The following RORA variants were observed in gnomAD, a reference collection of about 807,000 sequenced individuals.
RORA encodes nuclear receptor ROR-alpha.
RORA carries 7 observed loss-of-function variants against 69.5 expected under a neutral mutation model. The observed-to-expected ratio is 0.10, with a 90% CI of 0.06 to 0.19. RORA has a LOEUF of 0.19. Among genes scored for constraint, RORA ranks in the 10% least tolerant of loss-of-function variants. The pLI, the probability that RORA is intolerant of heterozygous loss-of-function variation, is 1.00. For missense variants in RORA, 457 were observed against 663.0 expected, an observed-to-expected ratio of 0.69 and a Z score of 3.41; for synonymous variants, 261 against 240.8, an observed-to-expected ratio of 1.08 and a Z score of -0.78.
At chr15:60,998,042 C>T (rs1190514193) in intron 1 of RORA, among the ~76,000 whole-genome samples, 1 of 152,246 alleles carries the variant, frequency 6.6e-6, no homozygotes, top group East Asian at 1.9e-4. Context: ...ACTGAATCCA[C>T]TCTAGAGACC....
At chr15:61,220,248 T>C (rs991769701) in intron 1 of RORA, among the ~76,000 whole-genome samples, 5 of 152,216 alleles carry the variant, frequency 3.3e-5, no homozygotes, top group Admixed American at 2.6e-4. Context: ...ACCTGGACAA[T>C]TGAGAGTTAT....
chr15:60,940,530 C>T (rs189061151), intron 1 of RORA, among the ~76,000 whole-genome samples: 21 of 152,126 alleles, frequency 1.4e-4, no homozygotes, highest in Non-Finnish European at 2.9e-4. Flanking sequence ...CCAAGAGGCC[C>T]GAGGGAACAT....
At chr15:60,572,468 T>C (rs2067910462) in intron 2 of RORA, among the ~76,000 whole-genome samples, 1 of 151,746 alleles carries the variant, frequency 6.6e-6, no homozygotes, top group Admixed American at 6.6e-5. Flanking sequence ...ATGGCTATTA[T>C]AGACAACTGG....
chr15:60,998,542 C>A (rs1323967259), intron 1 of RORA, among the ~76,000 whole-genome samples: 1 of 152,082 alleles, frequency 6.6e-6, no homozygotes, highest in Admixed American at 6.5e-5. Flanking sequence ...GGATTACAGT[C>A]ACATGCCACC....
Position 60,494,998 on chromosome 15 carries a change from C to T in RORA, c.*2457G>A, listed in dbSNP as rs1416027485. 6.6e-6 allele frequency: 1 copy of T among 152,160 alleles called. No individual in the cohort carries two copies. The highest frequency in any genetic ancestry group is 1.5e-5 in the Non-Finnish European group (1 of 68,026). The allele number at this position is 152,160 out of a possible 1,614,324, so 9.4% of individuals were successfully genotyped here. ...CTCTTTAATGCGCTAGCACCTGAGGCTGGTCATATTCAGAAAGCTTTGGTT... is the reference window on the plus strand; with the variant it reads ...CTCTTTAATGCGCTAGCACCTGAGGTTGGTCATATTCAGAAAGCTTTGGTT... On this transcript the variant is annotated 3_prime_UTR_variant, in exon 11 of 11. Transcript: ENST00000335670.
intron 1 of RORA, among the ~76,000 whole-genome samples, chr15:61,129,251 G>A (rs1596013039): frequency 1.3e-5 from 2 of 152,026 alleles, no homozygotes; most frequent in South Asian, 2.1e-4. Flanking sequence ...TTTGTGATTC[G>A]AGAGGGATAA....
intron 1 of RORA, among the ~76,000 whole-genome samples, chr15:61,106,902 T>C (rs1271987367): frequency 6.6e-6 from 1 of 152,230 alleles, no homozygotes; most frequent in Non-Finnish European, 1.5e-5. Context: ...GTGCCCTTTA[T>C]GGAACACGTG....
At chr15:60,602,962 A>G (rs1369577519) in intron 2 of RORA, among the ~76,000 whole-genome samples, 1 of 152,176 alleles carries the variant, frequency 6.6e-6, no homozygotes, top group Non-Finnish European at 1.5e-5. Flanking sequence ...AATCCTGGCA[A>G]CCAGAGATGT....
intron 1 of RORA, among the ~76,000 whole-genome samples, chr15:61,022,357 T>G (rs2140418303): frequency 6.6e-6 from 1 of 152,256 alleles, no homozygotes; most frequent in African/African-American, 2.4e-5. Flanking sequence ...TGTATATGAG[T>G]AGAACGGGGC....
At chr15:60,573,206 T>C (rs1343520589) in intron 2 of RORA, among the ~76,000 whole-genome samples, 1 of 152,164 alleles carries the variant, frequency 6.6e-6, no homozygotes, top group Non-Finnish European at 1.5e-5. Flanking sequence ...AGAAACTTGT[T>C]TTCCCTCCTT....
chr15:60,818,835 C>G (rs2072851230), intron 1 of RORA, among the ~76,000 whole-genome samples: 1 of 152,142 alleles, frequency 6.6e-6, no homozygotes, highest in Admixed American at 6.5e-5. Context: ...TACATAAGCC[C>G]AGCACGAAAC....
At chr15:60,998,062 G>A (rs1894616938) in intron 1 of RORA, among the ~76,000 whole-genome samples, 1 of 152,200 alleles carries the variant, frequency 6.6e-6, no homozygotes, top group Admixed American at 6.5e-5. Context: ...CAATAGGTGT[G>A]GCTCAACCAT....
chr15:60,627,100 C>T (rs1163532577), intron 2 of RORA: 2 of 779,580 alleles, frequency 2.6e-6, no homozygotes, highest in Admixed American at 2.5e-5. Flanking sequence ...GGTAACAGTC[C>T]TCATGGGCTT....
chr15:60,805,862 A>G (rs186334461), intron 1 of RORA, among the ~76,000 whole-genome samples: 1 of 152,332 alleles, frequency 6.6e-6, no homozygotes, highest in Non-Finnish European at 1.5e-5. Context: ...TTATAGCTCT[A>G]TAATATGGTA....
At chr15:61,146,735 C>T (rs575331840) in intron 1 of RORA, among the ~76,000 whole-genome samples, 1 of 152,326 alleles carries the variant, frequency 6.6e-6, no homozygotes, top group South Asian at 2.1e-4. Context: ...CTTCATATCA[C>T]ATTACACAAG....
intron 1 of RORA, among the ~76,000 whole-genome samples, chr15:61,050,270 A>G (rs988994120): frequency 6.6e-6 from 1 of 152,208 alleles, no homozygotes; most frequent in African/African-American, 2.4e-5. Context: ...CGTGGCTCAC[A>G]AAGTCTAAAA....
intron 1 of RORA, among the ~76,000 whole-genome samples, chr15:60,979,792 C>G (rs1893986927): frequency 6.6e-6 from 1 of 151,948 alleles, no homozygotes; most frequent in African/African-American, 2.4e-5. Context: ...TCATGTCATC[C>G]ACTAATAGAG....
At chr15:60,830,614 AC>A (rs764607179) in intron 1 of RORA, among the ~76,000 whole-genome samples, 3 of 152,152 alleles carry the variant, frequency 2.0e-5, no homozygotes, top group Non-Finnish European at 4.4e-5. Flanking sequence ...CAGATTGAAA[AC>A]TTTTACAATA....
rs61581829 is a variant in RORA at position 60,562,217 on chromosome 15, G to A, written c.197-30366C>T. ...CCCAAAGTGCTGGGATTATAGGCAT[G>A]AGCCACTGCGCCCTGCCAGTTTACA... is the stretch of plus-strand genomic sequence containing the variant. On this transcript the variant is annotated intron_variant, in intron 2 of 10. Transcript: ENST00000335670. Among the ~76,000 whole-genome samples the A allele has an allele frequency of 8.1e-3, 1,226 of 152,218 alleles. 15 individuals carry two copies. Among genetic ancestry groups the A allele is most frequent in the African/African-American group, 0.028 (1,179 of 41,522 alleles).
Sources: gnomAD v4.1 joint callset for allele counts (sites outside exome capture counted in the v4.1 genomes callset) on GRCh38, gnomAD v4.1.1 for gene constraint, MANE v1.5 for transcripts, NCBI Gene and HGNC (gene_info 2026-07-23, HGNC 2026-07-21) for gene names.